The following ASB15 variants were observed in gnomAD, a reference collection of about 807,000 sequenced individuals.
The protein encoded by ASB15 is ankyrin repeat and SOCS box protein 15.
ASB15 carries 54 observed loss-of-function variants against 58.0 expected under a neutral mutation model. The observed-to-expected ratio is 0.93, with a 90% CI of 0.75 to 1.17. The LOEUF is 1.17. ASB15 is among the 50% of genes most tolerant of loss of function. The pLI is 0.00. For synonymous variants in ASB15, 249 were observed against 262.4 expected (o/e 0.95, Z 0.50); for missense variants, 680 against 707.4 (o/e 0.96, Z 0.44).
chr7:123,621,987 A>G (rs2116585982), intron 7 of ASB15, among the ~76,000 whole-genome samples: 1 of 152,238 alleles, frequency 6.6e-6, no homozygotes, highest in South Asian at 2.1e-4. Flanking sequence ...TACCCCATTC[A>G]CAGATCAGTT....
In ASB15 at chr7:123,626,669, C is replaced by T. The variant is rs143839035; in HGVS notation, c.698-441C>T. On this transcript the variant is annotated intron_variant, in intron 8 of 11. Transcript: ENST00000451215. ...TTGAAAGTATAGAAAACATGGAGGC[C>T]CTTAATTCTATACTTTTTAAGTACT... 5.5e-4 allele frequency among the ~76,000 whole-genome samples: 84 copies of T among 152,142 alleles called. No individual in the cohort carries two copies. The East Asian group carries it at 0.016, about 28-fold the overall frequency.
At chr7:123,591,409 C>A (rs1799532752) in intron 1 of ASB15, among the ~76,000 whole-genome samples, 1 of 152,140 alleles carries the variant, frequency 6.6e-6, no homozygotes, top group Non-Finnish European at 1.5e-5. Context: ...CAGTTTTTGC[C>A]CACTTAGTAA....
upstream of ASB15, among the ~76,000 whole-genome samples, chr7:123,601,246 G>C (rs1446076429): frequency 6.6e-6 from 1 of 151,946 alleles, no homozygotes; most frequent in South Asian, 2.1e-4. Context: ...CAATTTTTTT[G>C]CTTGTTTTAT....
intron 1 of ASB15, among the ~76,000 whole-genome samples, chr7:123,582,000 G>C (rs1799247964): frequency 6.6e-6 from 1 of 152,006 alleles, no homozygotes; most frequent in Non-Finnish European, 1.5e-5. Flanking sequence ...ATTGTGTACT[G>C]TTGCTCCATT....
intron 2 of ASB15, among the ~76,000 whole-genome samples, chr7:123,608,145 A>G (rs1800240032): frequency 6.6e-6 from 1 of 152,070 alleles, no homozygotes; most frequent in Admixed American, 6.6e-5. Flanking sequence ...TAATTTCATT[A>G]AAATTTTTTA....
rs1800192609 is a variant in ASB15, at chr7:123,607,245, T to C, written c.-63-1349T>C. On this transcript the variant is annotated intron_variant, in intron 2 of 11. Coordinates refer to ENST00000451215, the MANE Select transcript of ASB15 (RefSeq NM_001290258.2). ...AGTTCCTTAAAAGTGGTTAGTCATA[T>C]CTGGTTAAATAAACATCATACTTAA... Among the ~76,000 whole-genome samples the C allele has an allele frequency of 2.0e-5, 3 of 152,216 alleles. No homozygotes were observed. In the South Asian group the frequency reaches 6.2e-4, roughly 31 times the overall value.
At chr7:123,633,632 T>C (rs538373138) in intron 11 of ASB15, among the ~76,000 whole-genome samples, 35 of 152,068 alleles carry the variant, frequency 2.3e-4, no homozygotes, top group Non-Finnish European at 4.3e-4. Context: ...TGTGTGTGTG[T>C]GCACGCGCGC....
At chr7:123,620,791 T>C (rs1801272256) in intron 7 of ASB15, among the ~76,000 whole-genome samples, 1 of 151,154 alleles carries the variant, frequency 6.6e-6, no homozygotes, top group Admixed American at 6.6e-5. Context: ...CTCGGTCTCC[T>C]GACCTCGTGA....
intron 1 of ASB15, among the ~76,000 whole-genome samples, chr7:123,574,456 G>A (rs1799007099): frequency 6.6e-6 from 1 of 152,044 alleles, no homozygotes; most frequent in Non-Finnish European, 1.5e-5. Context: ...AGTAAGTCAG[G>A]GATAGGACCT....
intron 8 of ASB15, 135 bp from the exon 9 acceptor site, chr7:123,626,975 A>G: frequency 1.2e-6 from 1 of 848,542 alleles, no homozygotes; most frequent in Non-Finnish European, 1.8e-6. Flanking sequence ...TGACCTCATG[A>G]TCCGCCCGCC....
At chr7:123,617,815 C>A in intron 7 of ASB15, 78 bp downstream of exon 7, 1 of 1,366,632 alleles carries the variant, frequency 7.3e-7, no homozygotes, top group Non-Finnish European at 1.0e-6. Flanking sequence ...TGTATAATGG[C>A]TAAAATTGTG....
rs890612700 is a variant in ASB15, at chr7:123,637,127, A to G, written c.*146A>G. On this transcript the variant is annotated 3_prime_UTR_variant, in exon 12 of 12. Coordinates refer to ENST00000451215, the MANE Select transcript of ASB15 (RefSeq NM_001290258.2). Reference sequence around the variant, plus strand: ...GGTTATCATGTGTTCTTATGGGAACACCATGATTTATGTCTTTAAAGACAT... The same window carrying G: ...GGTTATCATGTGTTCTTATGGGAACGCCATGATTTATGTCTTTAAAGACAT... The G allele has an allele frequency of 5.6e-6, 3 of 533,392 alleles. No homozygotes were observed. The African/African-American group carries it at 5.9e-5, about 10-fold the overall frequency. The allele number at this position is 533,392 out of a possible 1,614,324, so 33.0% of individuals were successfully genotyped here.
Position 123,624,637 on chromosome 7 carries a change from T to C in ASB15, c.520T>C (p.Cys174Arg). ...IKHNTSLDQP[C>R]VKRWSAMHEA... Reference sequence around the variant, plus strand: ...ACATAACACTAGCCTAGACCAGCCCTGTGTCAAGCGATGGTCAGCAATGCA... The same window carrying C: ...ACATAACACTAGCCTAGACCAGCCCCGTGTCAAGCGATGGTCAGCAATGCA... Residue 174 changes from cysteine (C) to arginine (R), a missense_variant, in exon 8 of 12, where the codon TGT (cysteine) becomes CGT (arginine). Cys to Arg is a radical substitution (Grantham distance 180). Coordinates refer to ENST00000451215, the MANE Select transcript of ASB15 (RefSeq NM_001290258.2). The C allele has an allele frequency of 6.2e-7, 1 of 1,614,038 alleles. No homozygotes were observed. Among genetic ancestry groups the C allele is most frequent in the South Asian group, 1.1e-5 (1 of 91,078 alleles).
At chr7:123,622,246 G>A (rs188231573) in intron 7 of ASB15, among the ~76,000 whole-genome samples, 188 of 151,890 alleles carry the variant, frequency 1.2e-3, no homozygotes, top group African/African-American at 4.2e-3. Context: ...AAGAATTCTA[G>A]ATTTTAGAAT....
At chr7:123,601,227 T>TA (rs553362640), upstream of ASB15, among the ~76,000 whole-genome samples, 266 of 152,294 alleles carry the variant, frequency 1.7e-3, 1 homozygote, top group African/African-American at 6.1e-3. Flanking sequence ...CTTCCTCAAT[T>TA]AAAAATCCCA....
At chr7:123,611,302 T>G (rs1235696779) in intron 3 of ASB15, among the ~76,000 whole-genome samples, 6 of 152,080 alleles carry the variant, frequency 3.9e-5, no homozygotes, top group African/African-American at 9.7e-5. Context: ...TAATTTTTTT[T>G]TCTTTTTTTT....
At chr7:123,603,861 A>G (rs1260402903) in intron 1 of ASB15, among the ~76,000 whole-genome samples, 171 bp from the exon 2 acceptor site, 1 of 152,238 alleles carries the variant, frequency 6.6e-6, no homozygotes, top group Non-Finnish European at 1.5e-5. Context: ...AGTCTGTAAC[A>G]TAATAGCCTA....
In ASB15 at chr7:123,639,360, G is replaced by C. The variant is rs1802541676; in HGVS notation, c.*2379G>C. 6.6e-6 allele frequency: 1 copy of C among 151,950 alleles called. No homozygotes were observed. The highest frequency in any genetic ancestry group is 1.5e-5 in the Non-Finnish European group (1 of 67,978). 9.4% of individuals were successfully genotyped at this position (151,950 alleles called of 1,614,324 possible). The stretch of plus-strand genomic sequence containing the variant: ...TACAAGATTTTATTATTCTTGTGTT[G>C]CACTCTTAGACGTGGTTAAATGTAT... On this transcript the variant is annotated 3_prime_UTR_variant, in exon 12 of 12. Transcript: ENST00000451215.
chr7:123,593,984 ACT>A (rs1180643415), intron 1 of ASB15, among the ~76,000 whole-genome samples: 3 of 149,988 alleles, frequency 2.0e-5, no homozygotes, highest in Non-Finnish European at 3.0e-5. Context: ...ATTTCTTTTC[ACT>A]CTTTTTTCTC....
Sources: gnomAD v4.1 joint callset for allele counts (sites outside exome capture counted in the v4.1 genomes callset) on GRCh38, gnomAD v4.1.1 for gene constraint, MANE v1.5 for transcripts, NCBI Gene and HGNC (gene_info 2026-07-23, HGNC 2026-07-21) for gene names.